The following WDR7 variants were observed in gnomAD, a reference collection of about 807,000 sequenced individuals.
The protein encoded by WDR7 is WD repeat domain 7.
Under a neutral mutation model 169.4 loss-of-function variants are expected in WDR7, and 46 were observed. The observed-to-expected ratio is 0.27, with a 90% CI of 0.21 to 0.35. The LOEUF (loss-of-function observed/expected upper bound fraction) is 0.35, where lower values mean the gene tolerates loss of function less well. Among genes scored for constraint, WDR7 ranks in the 10% least tolerant of loss-of-function variants. The pLI is 1.00. For synonymous variants in WDR7, 612 were observed against 666.8 expected (o/e 0.92, Z 1.27); for missense variants, 1,534 against 1,859.3 (o/e 0.83, Z 3.22).
intron 25 of WDR7, 148 bp downstream of exon 25, chr18:56,939,541 G>C: frequency 4.0e-6 from 2 of 503,582 alleles, no homozygotes; most frequent in Non-Finnish European, 6.6e-6. Flanking sequence ...ATATGGGCAG[G>C]TTACAGTTAA....
At chr18:56,888,801 G>A (rs908389122) in intron 21 of WDR7, among the ~76,000 whole-genome samples, 2 of 152,078 alleles carry the variant, frequency 1.3e-5, no homozygotes, top group South Asian at 2.1e-4. Context: ...GTCATTTCCC[G>A]AGGCAGCAGA....
At chr18:56,880,494 C>A (rs1445354532) in intron 21 of WDR7, among the ~76,000 whole-genome samples, 1 of 152,150 alleles carries the variant, frequency 6.6e-6, no homozygotes, top group African/African-American at 2.4e-5. Flanking sequence ...GAAAACTATG[C>A]AGTTTGTTCT....
chr18:56,877,951 G>A (rs541682254), intron 20 of WDR7, among the ~76,000 whole-genome samples: 37 of 152,030 alleles, frequency 2.4e-4, no homozygotes, highest in African/African-American at 8.2e-4. Flanking sequence ...CATTAGTTGT[G>A]TACATGTTAG....
chr18:56,676,971 CGT>C (rs1396400523), intron 2 of WDR7, among the ~76,000 whole-genome samples: 3 of 152,098 alleles, frequency 2.0e-5, no homozygotes, highest in Non-Finnish European at 4.4e-5. Context: ...TGTCTTGAAA[CGT>C]TGTAGTTATT....
Position 56,823,736 on chromosome 18 carries a change from C to T in WDR7, c.3304+7592C>T, listed in dbSNP as rs963338384. On this transcript the variant is annotated intron_variant, in intron 20 of 27. Transcript: ENST00000254442. ...AAGTCCAAGGATAATCCTGGCTTTC[C>T]CACTTTTTAACAATGTCCACATACG... is the stretch of plus-strand genomic sequence containing the variant. Among the ~76,000 whole-genome samples the T allele has an allele frequency of 7.2e-5, 11 of 152,102 alleles. 1 individual carries two copies. Among genetic ancestry groups the T allele is most frequent in the African/African-American group, 2.7e-4 (11 of 41,412 alleles).
At chr18:56,667,085 T>C (rs78290594) in intron 1 of WDR7, among the ~76,000 whole-genome samples, 4,292 of 152,218 alleles carry the variant, frequency 0.028, 183 homozygotes, top group African/African-American at 0.097. Flanking sequence ...TTTATGAAAA[T>C]ACTTTCTGAG....
intron 19 of WDR7, among the ~76,000 whole-genome samples, chr18:56,797,513 A>G (rs2044604199): frequency 6.6e-6 from 1 of 151,772 alleles, no homozygotes; most frequent in African/African-American, 2.4e-5. Context: ...ATACCATTTT[A>G]TATTTTATAT....
At chr18:56,679,845 T>C (rs1285687432) in intron 3 of WDR7, among the ~76,000 whole-genome samples, 4 of 152,208 alleles carry the variant, frequency 2.6e-5, no homozygotes, top group Admixed American at 2.0e-4. Context: ...TATATTGATA[T>C]GTATTAATAC....
At chr18:56,771,010 T>C (rs571590140) in intron 16 of WDR7, among the ~76,000 whole-genome samples, 5 of 152,218 alleles carry the variant, frequency 3.3e-5, no homozygotes, top group Non-Finnish European at 7.3e-5. Flanking sequence ...GTACATACCA[T>C]GCACTTTCCT....
At chr18:56,726,536 CT>C (rs2026460208) in intron 13 of WDR7, among the ~76,000 whole-genome samples, 2 of 152,174 alleles carry the variant, frequency 1.3e-5, no homozygotes, top group African/African-American at 2.4e-5. Context: ...TGCTTATCAG[CT>C]TAAGGAGATT....
rs2048383066 is a variant in WDR7 at position 57,027,457 on chromosome 18, G to A, written c.*250G>A. 1 of 520,782 alleles carries A rather than the reference G, an allele frequency of 1.9e-6. No individual in the cohort carries two copies. The highest frequency in any genetic ancestry group is 3.4e-5 in the East Asian group (1 of 29,472). The allele number at this position is 520,782 out of a possible 1,614,324, so 32.3% of individuals were successfully genotyped here. On this transcript the variant is annotated 3_prime_UTR_variant, in exon 28 of 28. Coordinates refer to ENST00000254442, the MANE Select transcript of WDR7 (RefSeq NM_015285.3). Reference sequence around the variant, plus strand: ...TCCTGTCACCAGGTAGTTTTTCCCTGCCAGAGATGGCAGGGGAAAGCCAGT... The same window carrying A: ...TCCTGTCACCAGGTAGTTTTTCCCTACCAGAGATGGCAGGGGAAAGCCAGT...
intron 26 of WDR7, among the ~76,000 whole-genome samples, chr18:57,011,201 A>C (rs1568312638): frequency 6.6e-6 from 1 of 151,970 alleles, no homozygotes; most frequent in African/African-American, 2.4e-5. Flanking sequence ...TTAATATATA[A>C]CCCCCCCACA....
At chr18:56,721,164 A>G (rs1442206566) in intron 13 of WDR7, among the ~76,000 whole-genome samples, 1 of 152,044 alleles carries the variant, frequency 6.6e-6, no homozygotes, top group African/African-American at 2.4e-5. Flanking sequence ...TCAGGAATGT[A>G]TTTTTCCAAA....
chr18:56,791,574 A>G (rs2044486197), intron 19 of WDR7, among the ~76,000 whole-genome samples: 1 of 152,222 alleles, frequency 6.6e-6, no homozygotes, highest in Non-Finnish European at 1.5e-5. Context: ...CAGAGAAACT[A>G]AATGAGAAAT....
chr18:56,939,629 A>G (rs924616194), intron 25 of WDR7, among the ~76,000 whole-genome samples: 1 of 152,154 alleles, frequency 6.6e-6, no homozygotes, highest in African/African-American at 2.4e-5. Flanking sequence ...AAAAATGAGT[A>G]AGAGAGAACA....
At chr18:56,706,390 G>T (rs986684822) in intron 12 of WDR7, among the ~76,000 whole-genome samples, 2 of 152,164 alleles carry the variant, frequency 1.3e-5, no homozygotes, top group African/African-American at 2.4e-5. Flanking sequence ...ACCGTCAATT[G>T]GTCAGTGAGA....
chr18:56,999,769 A>G (rs2047948432), intron 26 of WDR7, among the ~76,000 whole-genome samples: 1 of 152,176 alleles, frequency 6.6e-6, no homozygotes, highest in Non-Finnish European at 1.5e-5. Context: ...GACAGGAGGA[A>G]GGATGGCAAG....
intron 25 of WDR7, among the ~76,000 whole-genome samples, chr18:56,950,033 TC>T (rs2047159217): frequency 6.6e-6 from 1 of 152,192 alleles, no homozygotes. Flanking sequence ...AGAAAGTATC[TC>T]CCAAATAACT....
chr18:56,765,786 ATATG>A (rs200929350), intron 16 of WDR7, among the ~76,000 whole-genome samples: 23 of 152,114 alleles, frequency 1.5e-4, no homozygotes, highest in African/African-American at 3.9e-4. Flanking sequence ...ATGTATGTAT[ATATG>A]TATGTATGTA....
Sources: allele counts gnomAD v4.1 joint callset (sites outside exome capture counted in the v4.1 genomes callset), GRCh38; gene constraint gnomAD v4.1.1; transcripts MANE v1.5; gene names NCBI Gene and HGNC (gene_info 2026-07-23, HGNC 2026-07-21).